The following UNC80 variants were observed in gnomAD, a reference collection of about 807,000 sequenced individuals.
The protein encoded by UNC80 is unc-80 subunit of NALCN channel complex.
A neutral mutation model predicts 384.6 loss-of-function variants in UNC80; 164 were observed. That is an observed-to-expected ratio of 0.43 (90% CI 0.38 to 0.49). The LOEUF is 0.49. UNC80 is among the 20% of genes least tolerant of loss of function. UNC80 has a pLI of 0.00. For missense variants in UNC80, 3,330 were observed against 4,143.0 expected (o/e 0.80, Z 5.39); for synonymous variants, 1,486 against 1,527.8 (o/e 0.97, Z 0.64).
chr2:209,796,965 C>T (rs1264112024), intron 7 of UNC80, among the ~76,000 whole-genome samples: 1 of 152,166 alleles, frequency 6.6e-6, no homozygotes, highest in African/African-American at 2.4e-5. Flanking sequence ...GTGCCCATCC[C>T]TTGTGTCACT....
At chr2:209,870,495 G>A (rs530425815) in intron 22 of UNC80, among the ~76,000 whole-genome samples, 1 of 152,196 alleles carries the variant, frequency 6.6e-6, no homozygotes, top group African/African-American at 2.4e-5. Context: ...CTATCCCTGT[G>A]ACCTGCTTCC....
Position 209,955,758 on chromosome 2 carries a change from C to CAG in UNC80, c.7457+1496_7457+1497dup, listed in dbSNP as rs1325179744. 8.4e-4 allele frequency among the ~76,000 whole-genome samples: 100 copies of CAG among 119,132 alleles called. 3 individuals carry two copies. Among genetic ancestry groups the CAG allele is most frequent in the South Asian group, 1.6e-3 (6 of 3,848 alleles). The allele number at this position is 119,132 out of a possible 152,430, so 78.2% of individuals were successfully genotyped here. A position where few individuals can be genotyped will look rare whatever the true frequency, so the allele number is the denominator to read the frequency against. The stretch of plus-strand genomic sequence containing the variant: ...ATATATACACACACACACACACACA[C>CAG]AGAGAGAGACTGACTCACTCTGTCA... On this transcript the variant is annotated intron_variant, in intron 48 of 64. Coordinates refer to ENST00000673920, the MANE Select transcript of UNC80 (RefSeq NM_001371986.1).
intron 6 of UNC80, among the ~76,000 whole-genome samples, chr2:209,791,345 C>T (rs780913388): frequency 1.8e-4 from 28 of 152,076 alleles, no homozygotes; most frequent in African/African-American, 3.6e-4. Flanking sequence ...TATTGACTGT[C>T]GCTGCAAGAC....
chr2:209,851,767 C>T (rs1007115327), intron 22 of UNC80, among the ~76,000 whole-genome samples: 2 of 151,868 alleles, frequency 1.3e-5, no homozygotes, highest in African/African-American at 2.4e-5. Flanking sequence ...TCAGAAAGAC[C>T]GATTAATAGG....
At chr2:209,964,018 T>TA (rs2092673487) in intron 51 of UNC80, among the ~76,000 whole-genome samples, 1 of 152,216 alleles carries the variant, frequency 6.6e-6, no homozygotes, top group Non-Finnish European at 1.5e-5. Context: ...TAGAACAATC[T>TA]AAATAATCAG....
intron 52 of UNC80, chr2:209,969,494 T>A: frequency 2.2e-6 from 1 of 446,958 alleles, no homozygotes; most frequent in Non-Finnish European, 4.0e-6. Flanking sequence ...GGACCCTCTG[T>A]CAAAGCTAAA....
chr2:209,849,569 C>T lies in UNC80; in HGVS notation c.3573C>T (p.Cys1191=). The T allele has an allele frequency of 6.4e-7, 1 of 1,550,944 alleles. No homozygotes were observed. Among genetic ancestry groups the T allele is most frequent in the Non-Finnish European group, 8.7e-7 (1 of 1,146,524 alleles). The change falls in exon 22 of 65, where the codon TGC becomes TGT. Residue 1191 remains cysteine, a synonymous_variant. Coordinates refer to ENST00000673920, the MANE Select transcript of UNC80 (RefSeq NM_001371986.1). The stretch of plus-strand genomic sequence containing the variant: ...AACGCTTCCAATTTCTGTTAAACTG[C>T]TGTGAGCCAGGGACAATTCCTGATG... ...GMKRFQFLLN[C]CEPGTIPDAS...
At chr2:209,793,245 T>C (rs1427495117) in intron 6 of UNC80, among the ~76,000 whole-genome samples, 1 of 152,172 alleles carries the variant, frequency 6.6e-6, no homozygotes, top group Non-Finnish European at 1.5e-5. Context: ...TTGTGTCCGA[T>C]TAGAAAAGTG....
At chr2:209,995,066 T>A (rs984586431) in intron 64 of UNC80, among the ~76,000 whole-genome samples, 1 of 152,168 alleles carries the variant, frequency 6.6e-6, no homozygotes, top group African/African-American at 2.4e-5. Context: ...AAAAAACATT[T>A]TAACACTAAG....
At chr2:209,975,563 G>C (rs1208669030) in intron 56 of UNC80, among the ~76,000 whole-genome samples, 1 of 152,186 alleles carries the variant, frequency 6.6e-6, no homozygotes, top group Non-Finnish European at 1.5e-5. Flanking sequence ...CCTCTGGGGA[G>C]CAGTTTAGTG....
chr2:209,931,071 C>T lies in UNC80; in HGVS notation c.5994+17C>T. ...AACTATTTGGTGAGTTATAAATGTTCATTTCCAATTACGAAGCAGCACCAT... is the reference window on the plus strand; with the variant it reads ...AACTATTTGGTGAGTTATAAATGTTTATTTCCAATTACGAAGCAGCACCAT... On this transcript the variant is annotated intron_variant, in intron 38 of 64. Coordinates refer to ENST00000673920, the MANE Select transcript of UNC80 (RefSeq NM_001371986.1). 6.6e-7 allele frequency: 1 copy of T among 1,513,640 alleles called. No homozygotes were observed. The highest frequency in any genetic ancestry group is 8.9e-7 in the Non-Finnish European group (1 of 1,117,726). The allele number at this position is 1,513,640 out of a possible 1,614,324, so 93.8% of individuals were successfully genotyped here. A position where few individuals can be genotyped will look rare whatever the true frequency, so the allele number is the denominator to read the frequency against.
chr2:209,971,001 T>C, intron 54 of UNC80, 44 bp downstream of exon 54: 2 of 1,534,762 alleles, frequency 1.3e-6, no homozygotes, highest in Non-Finnish European at 1.8e-6. Context: ...AAGTTGCTGG[T>C]TGAGGCACCA....
intron 4 of UNC80, among the ~76,000 whole-genome samples, chr2:209,782,288 C>T (rs1467050236): frequency 6.6e-6 from 1 of 152,180 alleles, no homozygotes; most frequent in Non-Finnish European, 1.5e-5. Flanking sequence ...ACTACTTCTC[C>T]TGTCTGTGAA....
At chr2:209,796,792 G>A (rs1381746181) in intron 7 of UNC80, among the ~76,000 whole-genome samples, 1 of 152,170 alleles carries the variant, frequency 6.6e-6, no homozygotes, top group Non-Finnish European at 1.5e-5. Context: ...GGAACTGTAA[G>A]TCCAATTAAA....
chr2:209,867,950 G>T (rs1004686911), intron 22 of UNC80, among the ~76,000 whole-genome samples: 7 of 152,268 alleles, frequency 4.6e-5, no homozygotes, highest in African/African-American at 7.2e-5. Flanking sequence ...GTCCTCATTT[G>T]GTTTTTAAAA....
At chr2:209,874,460 G>A (rs1266902670) in intron 23 of UNC80, among the ~76,000 whole-genome samples, 1 of 152,208 alleles carries the variant, frequency 6.6e-6, no homozygotes, top group Non-Finnish European at 1.5e-5. Context: ...TTGTCACCAA[G>A]AGATTTCACA....
At position 209,904,876 on chromosome 2, in the gene UNC80, A is replaced by G. The variant is rs1461109035; in HGVS notation, c.4693A>G (p.Ile1565Val). The G allele has an allele frequency of 1.9e-6, 3 of 1,551,816 alleles. No individual in the cohort carries two copies. In the East Asian group the frequency reaches 7.3e-5, roughly 38 times the overall value. The stretch of plus-strand genomic sequence containing the variant: ...CTCCTGTGCCCGACTGGTCAGAGCC[A>G]TCAAGCTACTCTATGGAGACAGTGT... ...SRSCARLVRA[I>V]KLLYGDSVDS... Residue 1565 changes from isoleucine to valine, a missense_variant, in exon 29 of 65, where the codon ATC becomes GTC. Coordinates refer to ENST00000673920, the MANE Select transcript of UNC80 (RefSeq NM_001371986.1).
At chr2:209,801,554 T>C (rs1440916069) in intron 7 of UNC80, among the ~76,000 whole-genome samples, 5 of 151,804 alleles carry the variant, frequency 3.3e-5, no homozygotes, top group African/African-American at 1.2e-4. Flanking sequence ...GACTAATTTT[T>C]GTATTTTTAG....
intron 14 of UNC80, among the ~76,000 whole-genome samples, chr2:209,826,819 G>A (rs2191905): frequency 1 from 151,649 of 152,090 alleles, 75,604 homozygotes; most frequent in Middle Eastern, 1. Flanking sequence ...TTAAAAAAAA[G>A]GAGTTTGATG....
Sources: allele counts gnomAD v4.1 joint callset (sites outside exome capture counted in the v4.1 genomes callset), GRCh38; gene constraint gnomAD v4.1.1; transcripts MANE v1.5; gene names NCBI Gene and HGNC (gene_info 2026-07-23, HGNC 2026-07-21).